PCNX1: variants seen among roughly 807,000 people sequenced by gnomAD.
PCNX1 encodes pecanex-like protein 1.
A neutral mutation model predicts 242.2 loss-of-function variants in PCNX1; 78 were observed. That is an observed-to-expected ratio of 0.32 (90% CI 0.27 to 0.39). PCNX1 has a LOEUF of 0.39. Ranked by LOEUF, PCNX1 falls within the 10% of genes least tolerant of loss-of-function variation. The pLI is 1.00. For missense variants in PCNX1, 2,581 were observed against 2,856.5 expected (o/e 0.90, Z 2.20); for synonymous variants, 1,024 against 1,032.9 (o/e 0.99, Z 0.17).
At chr14:71,003,344 G>A (rs952727039) in intron 8 of PCNX1, among the ~76,000 whole-genome samples, 26 of 152,084 alleles carry the variant, frequency 1.7e-4, no homozygotes, top group Non-Finnish European at 2.9e-4. Flanking sequence ...GCCCGCCTCG[G>A]CCCCCCAAAG....
At chr14:71,059,914 A>G (rs920660511) in intron 26 of PCNX1, among the ~76,000 whole-genome samples, 1 of 152,126 alleles carries the variant, frequency 6.6e-6, no homozygotes, top group Admixed American at 6.5e-5. Flanking sequence ...TAAATTCTTT[A>G]CTAAGGACTC....
At chr14:70,955,057 C>T (rs1010891900) in intron 2 of PCNX1, among the ~76,000 whole-genome samples, 1 of 152,152 alleles carries the variant, frequency 6.6e-6, no homozygotes, top group African/African-American at 2.4e-5. Flanking sequence ...ACTACTTGAG[C>T]TTTATGGTTT....
Position 70,999,087 on chromosome 14 carries a change from C to G in PCNX1, c.2629+3162C>G, listed in dbSNP as rs138369706. On this transcript the variant is annotated intron_variant, in intron 8 of 35. Transcript: ENST00000304743. ...TAAAACAAGCTGTGACTTAGTAATGCCCAGATTAAGTCACACAAGAGACTG... is the reference window on the plus strand; with the variant it reads ...TAAAACAAGCTGTGACTTAGTAATGGCCAGATTAAGTCACACAAGAGACTG... Among the ~76,000 whole-genome samples the G allele has an allele frequency of 7.5e-3, 1,148 of 152,180 alleles. 7 individuals carry two copies. The highest frequency in any genetic ancestry group is 0.012 in the South Asian group (60 of 4,814).
chr14:70,946,010 C>T (rs1051796332), intron 1 of PCNX1, among the ~76,000 whole-genome samples: 2 of 152,150 alleles, frequency 1.3e-5, no homozygotes, highest in Admixed American at 1.3e-4. Flanking sequence ...CCTTGCCTTC[C>T]CAGTGAGCTG....
At chr14:70,924,130 G>A (rs1442684697) in intron 1 of PCNX1, among the ~76,000 whole-genome samples, 1 of 151,608 alleles carries the variant, frequency 6.6e-6, no homozygotes, top group African/African-American at 2.4e-5. Flanking sequence ...TACTTGGGAG[G>A]CTGAGGTGGG....
Position 70,962,268 on chromosome 14 carries a change from G to T in PCNX1, c.405G>T (p.Glu135Asp). 6.2e-7 allele frequency: 1 copy of T among 1,613,598 alleles called. No individual in the cohort carries two copies. The highest frequency in any genetic ancestry group is 8.5e-7 in the Non-Finnish European group (1 of 1,179,632). Residue 135 changes from glutamate (E) to aspartate (D), a missense_variant, in exon 3 of 36, where the codon GAG becomes GAT. Physicochemically the swap from Glu to Asp is conservative, Grantham distance 45. Transcript: ENST00000304743. ...GGIEMSEFIR[E>D]ATPPVGCSSR... ...TTGAAATGTCTGAGTTCATCCGAGA[G>T]GCCACACCCCCAGTTGGTTGCAGTT...
rs1016064563 is a variant in PCNX1 at position 70,989,534 on chromosome 14, A to T, written c.2444+835A>T. Among the ~76,000 whole-genome samples, 707 of 126,382 alleles carry T rather than the reference A, an allele frequency of 5.6e-3. 5 individuals carry two copies. Among genetic ancestry groups the T allele is most frequent in the African/African-American group, 0.02 (672 of 33,286 alleles). The allele number at this position is 126,382 out of a possible 152,430, so 82.9% of individuals were successfully genotyped here. Reference sequence around the variant, plus strand: ...TTTAAGAATACAAAAACAGATATAAATTTTTTTTTTTTTTTTTTTTTGAGA... The same window carrying T: ...TTTAAGAATACAAAAACAGATATAATTTTTTTTTTTTTTTTTTTTTTGAGA... On this transcript the variant is annotated intron_variant, in intron 7 of 35. Transcript: ENST00000304743.
rs147943760 is a variant in PCNX1 at position 71,018,829 on chromosome 14, G to C, written c.2997-180G>C. 1.6e-4 allele frequency among the ~76,000 whole-genome samples: 24 copies of C among 152,234 alleles called. No individual in the cohort carries two copies. In the East Asian group the frequency reaches 3.5e-3, roughly 22 times the overall value. ...GTTTTATTTGTATATAAGAATTCAT[G>C]TTATGTCCACATGAAACTAGTTTGT... is the stretch of plus-strand genomic sequence containing the variant. On this transcript the variant is annotated intron_variant, in intron 11 of 35. Coordinates refer to ENST00000304743, the MANE Select transcript of PCNX1 (RefSeq NM_014982.3).
Position 71,057,558 on chromosome 14 carries a change from A to G in PCNX1, c.4686A>G (p.Arg1562=). The part of the protein sequence containing the change: ...LNSIFYEHLT[R]SLQHSLCGDL... ...CCATCTTTTATGAGCATTTAACTAG[A>G]TCCCTACAGCACAGCCTCTGTGGTG... Residue 1562 remains arginine (R), a synonymous_variant, in exon 26 of 36, where the codon AGA becomes AGG. Transcript: ENST00000304743. 1 of 1,613,784 alleles carries G rather than the reference A, an allele frequency of 6.2e-7. No homozygotes were observed. The highest frequency in any genetic ancestry group is 8.5e-7 in the Non-Finnish European group (1 of 1,179,700).
chr14:71,013,231 C>G lies in PCNX1; in HGVS notation c.2996+29C>G, dbSNP rs190585087. 59 of 1,458,022 alleles carry G rather than the reference C, an allele frequency of 4.0e-5. No homozygotes were observed. The highest frequency in any genetic ancestry group is 5.5e-5 in the Non-Finnish European group (57 of 1,037,688). The allele number at this position is 1,458,022 out of a possible 1,614,324, so 90.3% of individuals were successfully genotyped here. On this transcript the variant is annotated intron_variant, in intron 11 of 35. Transcript: ENST00000304743. ...AGATTATAGTGTGATATTAATGATA[C>G]GTGTGGATTTTATTTTTAAGATGAA...
At chr14:71,037,256 T>C (rs2060566413) in intron 19 of PCNX1, among the ~76,000 whole-genome samples, 1 of 143,576 alleles carries the variant, frequency 7.0e-6, no homozygotes, top group South Asian at 2.4e-4. Context: ...TGACTTCCTC[T>C]TTTCCTAATT....
intron 1 of PCNX1, among the ~76,000 whole-genome samples, chr14:70,919,977 T>C (rs2056316221): frequency 6.6e-6 from 1 of 152,096 alleles, no homozygotes; most frequent in Non-Finnish European, 1.5e-5. Flanking sequence ...CCAACTGCCC[T>C]GAGAACAGGC....
chr14:70,925,694 A>G (rs964573711), intron 1 of PCNX1, among the ~76,000 whole-genome samples: 2 of 151,696 alleles, frequency 1.3e-5, no homozygotes, highest in African/African-American at 4.8e-5. Flanking sequence ...AAAAATATCA[A>G]ATATTTATTG....
chr14:71,031,838 C>G (rs1280666746), intron 16 of PCNX1: 1 of 1,492,486 alleles, frequency 6.7e-7, no homozygotes, highest in Non-Finnish European at 9.3e-7. Context: ...GTGGCATCGT[C>G]TGGCTTCAGG....
intron 26 of PCNX1, among the ~76,000 whole-genome samples, chr14:71,062,355 T>G (rs1172667052): frequency 1.3e-5 from 2 of 151,616 alleles, no homozygotes; most frequent in Non-Finnish European, 2.9e-5. Flanking sequence ...GTGTGTGTGT[T>G]TGTGTCTTAG....
chr14:70,972,107 A>T (rs35092982), intron 5 of PCNX1, among the ~76,000 whole-genome samples: 13,634 of 152,190 alleles, frequency 0.09, 720 homozygotes, highest in Admixed American at 0.17. Flanking sequence ...CTGTGTGTGT[A>T]GAAGATACTA....
At chr14:70,925,918 A>G (rs2056574533) in intron 1 of PCNX1, among the ~76,000 whole-genome samples, 1 of 151,612 alleles carries the variant, frequency 6.6e-6, no homozygotes, top group Non-Finnish European at 1.5e-5. Context: ...CCACCATCAT[A>G]CAAGATGCTT....
At chr14:70,952,468 G>T (rs2057822699) in intron 2 of PCNX1, among the ~76,000 whole-genome samples, 2 of 151,828 alleles carry the variant, frequency 1.3e-5, no homozygotes, top group Non-Finnish European at 2.9e-5. Flanking sequence ...TAACTCCCTT[G>T]CTTTTCTTTA....
At chr14:71,072,299 A>G (rs963752201) in intron 26 of PCNX1, among the ~76,000 whole-genome samples, 1 of 152,228 alleles carries the variant, frequency 6.6e-6, no homozygotes, top group African/African-American at 2.4e-5. Context: ...AGGCAGTATC[A>G]TATAAAATGG....
Sources: allele counts gnomAD v4.1 joint callset (sites outside exome capture counted in the v4.1 genomes callset), GRCh38; gene constraint gnomAD v4.1.1; transcripts MANE v1.5; gene names NCBI Gene and HGNC (gene_info 2026-07-23, HGNC 2026-07-21).